Variants in TOPBP1 observed in about 807,000 individuals in gnomAD.
TOPBP1 encodes DNA topoisomerase 2-binding protein 1.
Under a neutral mutation model 167.7 loss-of-function variants are expected in TOPBP1, and 28 were observed. That is an observed-to-expected ratio of 0.17 (90% CI 0.12 to 0.23). TOPBP1 has a LOEUF of 0.23. TOPBP1 is among the 10% of genes least tolerant of loss of function. TOPBP1 has a pLI of 1.00. For synonymous variants in TOPBP1, 598 were observed against 611.4 expected, an observed-to-expected ratio of 0.98 and a Z score of 0.32; for missense variants, 1,554 against 1,809.6, an observed-to-expected ratio of 0.86 and a Z score of 2.56.
chr3:133,605,319 CG>C (rs1211567611), intron 27 of TOPBP1, among the ~76,000 whole-genome samples: 5 of 148,846 alleles, frequency 3.4e-5, no homozygotes, highest in African/African-American at 1.2e-4. Flanking sequence ...GCCAGCAAAA[CG>C]CTAATACCAA....
At position 133,601,330 on chromosome 3, in the gene TOPBP1, T is replaced by C; in HGVS notation, c.4489A>G (p.Lys1497Glu). The C allele has an allele frequency of 2.5e-6, 4 of 1,598,744 alleles. No individual in the cohort carries two copies. The highest frequency in any genetic ancestry group is 3.4e-6 in the Non-Finnish European group (4 of 1,172,864). ...PEAISFIQNN[K>E]ELGTGLSQKR... ...TGTGATAATCCAGTCCCAAGTTCCTTATTATTCTGAATAAATGAAATAGCT... is the reference window on the plus strand; with the variant it reads ...TGTGATAATCCAGTCCCAAGTTCCTCATTATTCTGAATAAATGAAATAGCT... Residue 1497 changes from lysine (K) to glutamate (E), a missense_variant, in exon 28 of 28, where the codon AAG becomes GAG. Physicochemically the swap from Lys to Glu is moderately conservative, Grantham distance 56 (BLOSUM62 1). Around this residue, in one of 3 missense-constraint regions of TOPBP1, gnomAD observed 351 missense variants for 432.9 expected, o/e 0.81. Coordinates refer to ENST00000260810, the MANE Select transcript of TOPBP1 (RefSeq NM_007027.4).
chr3:133,661,143 A>G lies in TOPBP1; in HGVS notation c.-7-9T>C. On this transcript the variant is annotated splice_polypyrimidine_tract_variant and intron_variant, in intron 1 of 27. Coordinates refer to ENST00000260810, the MANE Select transcript of TOPBP1 (RefSeq NM_007027.4). ...TTCTGGACATTTCTGAACTGTCAAA[A>G]TAAAGGAACCATTAACAAGAACAAA... 6.4e-7 allele frequency: 1 copy of G among 1,555,342 alleles called. No individual in the cohort carries two copies. Among genetic ancestry groups the G allele is most frequent in the Non-Finnish European group, 8.6e-7 (1 of 1,157,812 alleles).
chr3:133,649,772 A>T lies in TOPBP1; in HGVS notation c.1253+8T>A, dbSNP rs1427685370. 1 of 1,584,734 alleles carries T rather than the reference A, an allele frequency of 6.3e-7. No homozygotes were observed. The highest frequency in any genetic ancestry group is 2.2e-5 in the East Asian group (1 of 44,704). The stretch of plus-strand genomic sequence containing the variant: ...TAGAAATTGCTTTGAATTAAAAACG[A>T]AAAAAACCTGTGGGCTGATTTATTC... On this transcript the variant is annotated splice_region_variant and intron_variant, in intron 9 of 27. Coordinates refer to ENST00000260810, the MANE Select transcript of TOPBP1 (RefSeq NM_007027.4).
chr3:133,604,158 G>A (rs1341458589), intron 27 of TOPBP1, among the ~76,000 whole-genome samples: 3 of 150,502 alleles, frequency 2.0e-5, no homozygotes, highest in South Asian at 4.2e-4. Flanking sequence ...ATTTTGAAAC[G>A]GAGTCTTGCT....
Position 133,617,222 on chromosome 3 carries a change from G to C in TOPBP1, c.3697C>G (p.Gln1233Glu), listed in dbSNP as rs766145673. Reference protein sequence around the residue: ...IKDSHLIPTPQAPSIAFPLAN... With the variant: ...IKDSHLIPTPEAPSIAFPLAN... ...AGTGGAAAGGCAATACTGGGGGCTT[G>C]AGGCGTAGGGATCAGGTGGCTGTCT... Residue 1233 changes from glutamine to glutamate, a missense_variant, in exon 22 of 28, where the codon CAA (glutamine) becomes GAA (glutamate). Gln to Glu is a conservative substitution (Grantham distance 29). Transcript: ENST00000260810. 3.7e-6 allele frequency: 6 copies of C among 1,613,812 alleles called. No individual in the cohort carries two copies. The African/African-American group carries it at 6.7e-5, about 18-fold the overall frequency.
chr3:133,617,813 A>G (rs1934950263), intron 21 of TOPBP1, among the ~76,000 whole-genome samples: 1 of 152,182 alleles, frequency 6.6e-6, no homozygotes, highest in Non-Finnish European at 1.5e-5. Context: ...AGAATTCAGA[A>G]AGAAACTCAT....
In TOPBP1 at chr3:133,612,572, A is replaced by AT; in HGVS notation, c.3872-21dup. On this transcript the variant is annotated intron_variant, in intron 23 of 27. Coordinates refer to ENST00000260810, the MANE Select transcript of TOPBP1 (RefSeq NM_007027.4). ...ATCCACCTTAAGCAGAGAAAAATGG[A>AT]TTGTACTTTATTGATTCCCAACTTC... 6.4e-7 allele frequency: 1 copy of AT among 1,571,124 alleles called. No homozygotes were observed. Among genetic ancestry groups the AT allele is most frequent in the Non-Finnish European group, 8.7e-7 (1 of 1,154,456 alleles).
intron 19 of TOPBP1, among the ~76,000 whole-genome samples, chr3:133,620,654 C>T (rs1015404395): frequency 6.7e-6 from 1 of 149,992 alleles, no homozygotes; most frequent in Non-Finnish European, 1.5e-5. Context: ...CTCACTGCAA[C>T]CTCCACCTCC....
intron 14 of TOPBP1, among the ~76,000 whole-genome samples, chr3:133,631,750 G>A (rs1224284096): frequency 6.6e-6 from 1 of 152,126 alleles, no homozygotes; most frequent in South Asian, 2.1e-4. Flanking sequence ...TGATTCTCTT[G>A]CCTCAGTCTC....
At chr3:133,619,158 C>T (rs1935003199) in intron 20 of TOPBP1, among the ~76,000 whole-genome samples, 1 of 146,508 alleles carries the variant, frequency 6.8e-6, no homozygotes, top group Non-Finnish European at 1.5e-5. Flanking sequence ...AACACCAAAA[C>T]CCATAAAACA....
intron 10 of TOPBP1, 38 bp from the exon 11 acceptor site, chr3:133,644,401 T>G (rs1379296612): frequency 2.7e-6 from 4 of 1,482,236 alleles, no homozygotes; most frequent in Non-Finnish European, 3.6e-6. Context: ...ACCAACAATT[T>G]ACCTTATACA....
chr3:133,613,766 A>T (rs1302915374), intron 23 of TOPBP1, among the ~76,000 whole-genome samples: 1 of 150,552 alleles, frequency 6.6e-6, no homozygotes, highest in Non-Finnish European at 1.5e-5. Flanking sequence ...GGTTGGGCAG[A>T]GTTAGTTATA....
chr3:133,618,357 C>T lies in TOPBP1; in HGVS notation c.3448G>A (p.Ala1150Thr). 2.5e-6 allele frequency: 4 copies of T among 1,613,966 alleles called. No individual in the cohort carries two copies. Among genetic ancestry groups the T allele is most frequent in the Non-Finnish European group, 3.4e-6 (4 of 1,179,862 alleles). ...GCAAGCCTTGCTCTCTCCTCCCTTG[C>T]TGTAGGGTCATCCCAAATGATCTGT... The part of the protein sequence containing the change: ...NEQIIWDDPT[A>T]REERARLASN... Residue 1150 changes from alanine (A) to threonine (T), a missense_variant, in exon 21 of 28, where the codon GCA (alanine) becomes ACA (threonine). By Grantham distance (58) the Ala-to-Thr change is moderately conservative. This residue lies in a region of TOPBP1 where 6 missense variants were observed against 25.2 expected (regional missense o/e 0.24). Coordinates refer to ENST00000260810, the MANE Select transcript of TOPBP1 (RefSeq NM_007027.4).
chr3:133,624,488 TA>T (rs1206657502), intron 16 of TOPBP1, among the ~76,000 whole-genome samples: 1 of 152,088 alleles, frequency 6.6e-6, no homozygotes, highest in Admixed American at 6.5e-5. Flanking sequence ...AAAAAACAGT[TA>T]AAAAAATGAT....
rs755435223 is a variant in TOPBP1 at position 133,656,670 on chromosome 3, T to C, written c.545+6A>G. The C allele has an allele frequency of 5.1e-6, 8 of 1,581,798 alleles. No individual in the cohort carries two copies. In the African/African-American group the frequency reaches 1.1e-4, roughly 22 times the overall value. On this transcript the variant is annotated splice_donor_region_variant and intron_variant, in intron 5 of 27. Transcript: ENST00000260810. ...AATCTAGAAAATATAAAAATGTCTT[T>C]CTTACTTCTCTTGTGACTTCTCCCA...
In TOPBP1 at chr3:133,656,835, T is replaced by C; in HGVS notation, c.386A>G (p.Gln129Arg). 6.3e-7 allele frequency: 1 copy of C among 1,589,854 alleles called. No homozygotes were observed. The highest frequency in any genetic ancestry group is 1.2e-5 in the South Asian group (1 of 86,440). The change falls in exon 5 of 28, where the codon CAA (glutamine) becomes CGA (arginine). Residue 129 changes from glutamine (Q) to arginine (R), a missense_variant. Physicochemically the swap from Gln to Arg is conservative, Grantham distance 43. Transcript: ENST00000260810. ...EKREEVHKYV[Q>R]MMGGRVYRDL... ...TCTGTATACTCGTCCGCCCATCATT[T>C]GTACATATTTATGAACTTCTTCCTG...
intron 16 of TOPBP1, among the ~76,000 whole-genome samples, chr3:133,627,793 C>A (rs1198213056): frequency 6.6e-6 from 1 of 151,818 alleles, no homozygotes; most frequent in Non-Finnish European, 1.5e-5. Context: ...GATACTGATG[C>A]CATTTGTGCT....
chr3:133,658,336 G>A (rs907240136), intron 3 of TOPBP1, among the ~76,000 whole-genome samples: 1 of 151,726 alleles, frequency 6.6e-6, no homozygotes, highest in African/African-American at 2.4e-5. Context: ...GTGCAGTGGC[G>A]GGCACCTGCA....
At chr3:133,654,388 G>C (rs893467752) in intron 6 of TOPBP1, among the ~76,000 whole-genome samples, 1 of 152,074 alleles carries the variant, frequency 6.6e-6, no homozygotes, top group African/African-American at 2.4e-5. Context: ...GTATCACAGA[G>C]GAATTGAGGT....
Sources: allele counts gnomAD v4.1 joint callset (sites outside exome capture counted in the v4.1 genomes callset), GRCh38; gene constraint gnomAD v4.1.1; regional missense constraint gnomAD v4.1.1; transcripts MANE v1.5; gene names NCBI Gene and HGNC (gene_info 2026-07-23, HGNC 2026-07-21).